Variants in KPNA4 observed in about 807,000 individuals in gnomAD.
The protein encoded by KPNA4 is importin subunit alpha-3.
Under a neutral mutation model 71.3 loss-of-function variants are expected in KPNA4, and 13 were observed. The ratio of observed to expected loss-of-function variants is 0.18; its 90% confidence interval spans 0.12 to 0.29. KPNA4 has a LOEUF of 0.29. Among genes scored for constraint, KPNA4 ranks in the 10% least tolerant of loss-of-function variants. The pLI, the probability that KPNA4 is intolerant of heterozygous loss-of-function variation, is 1.00. For missense variants in KPNA4, 334 were observed against 603.2 expected, an observed-to-expected ratio of 0.55 and a Z score of 4.67; for synonymous variants, 189 against 195.2, an observed-to-expected ratio of 0.97 and a Z score of 0.26.
intron 11 of KPNA4, among the ~76,000 whole-genome samples, chr3:160,520,490 T>C (rs1483195068): frequency 6.6e-6 from 1 of 151,858 alleles, no homozygotes; most frequent in Non-Finnish European, 1.5e-5. Context: ...CTCAGTCTCC[T>C]GACCTTGTGA....
At position 160,511,952 on chromosome 3, in the gene KPNA4, A is replaced by T. The variant is rs1470414972; in HGVS notation, c.1138-2081T>A. 2.0e-5 allele frequency among the ~76,000 whole-genome samples: 3 copies of T among 152,128 alleles called. No homozygotes were observed. The East Asian group carries it at 5.8e-4, about 29-fold the overall frequency. On this transcript the variant is annotated intron_variant, in intron 13 of 16. Coordinates refer to ENST00000334256, the MANE Select transcript of KPNA4 (RefSeq NM_002268.5). ...ATATAAAATCATAGGAATAAAAATT[A>T]AAAACCCTGTTATCTTAAATATCCA...
rs181671989 is a variant in KPNA4 at position 160,509,104 on chromosome 3, G to C, written c.1209+696C>G. On this transcript the variant is annotated intron_variant, in intron 14 of 16. Coordinates refer to ENST00000334256, the MANE Select transcript of KPNA4 (RefSeq NM_002268.5). ...TTCTTTTTACCTACTCTGTGAAACA[G>C]ATCTAACCTCTTTAAAACTGTTTTT... 5.3e-4 allele frequency among the ~76,000 whole-genome samples: 81 copies of C among 152,270 alleles called. 1 individual carries two copies. The highest frequency in any genetic ancestry group is 9.2e-4 in the Admixed American group (14 of 15,294).
chr3:160,563,681 C>G (rs1722287790), intron 1 of KPNA4, among the ~76,000 whole-genome samples: 1 of 152,034 alleles, frequency 6.6e-6, no homozygotes, highest in South Asian at 2.1e-4. Context: ...TTTTCTCATT[C>G]TAAGTATTCA....
At chr3:160,542,087 A>G (rs913450883) in intron 1 of KPNA4, among the ~76,000 whole-genome samples, 2 of 152,228 alleles carry the variant, frequency 1.3e-5, no homozygotes, top group African/African-American at 4.8e-5. Context: ...AGCATGTACA[A>G]AAAGAGAGAA....
intron 10 of KPNA4, among the ~76,000 whole-genome samples, chr3:160,525,353 T>C (rs1336108985): frequency 1.3e-5 from 2 of 148,982 alleles, no homozygotes; most frequent in Non-Finnish European, 3.0e-5. Context: ...ACATTTTCCT[T>C]TTTCATCTTT....
intron 1 of KPNA4, among the ~76,000 whole-genome samples, chr3:160,539,861 T>C (rs1173788043): frequency 3.3e-5 from 5 of 152,162 alleles, no homozygotes; most frequent in Non-Finnish European, 7.4e-5. Flanking sequence ...CATTAGAGCA[T>C]ACTATTAAAT....
intron 7 of KPNA4, among the ~76,000 whole-genome samples, chr3:160,529,916 T>C (rs994594435): frequency 5.4e-5 from 8 of 147,160 alleles, no homozygotes; most frequent in African/African-American, 2.0e-4. Flanking sequence ...GATCATGAGG[T>C]CAGGAGATCG....
At position 160,537,110 on chromosome 3, in the gene KPNA4, T is replaced by C. The variant is rs1394128026; in HGVS notation, c.70-270A>G. On this transcript the variant is annotated intron_variant, in intron 1 of 16. Coordinates refer to ENST00000334256, the MANE Select transcript of KPNA4 (RefSeq NM_002268.5). ...ATTTTAAAAACTATAATATAAGGTT[T>C]ATAAAAATACAGAGGTACAAAGAAT... is the stretch of plus-strand genomic sequence containing the variant. Among the ~76,000 whole-genome samples the C allele has an allele frequency of 4.6e-5, 7 of 151,710 alleles. No homozygotes were observed. The East Asian group carries it at 1.4e-3, about 29-fold the overall frequency.
intron 12 of KPNA4, 148 bp from the exon 13 acceptor site, chr3:160,514,329 A>G (rs1240497329): frequency 7.4e-6 from 4 of 540,594 alleles, no homozygotes; most frequent in Non-Finnish European, 1.3e-5. Flanking sequence ...ATTCCTTTAC[A>G]CCCCTTTCCA....
At chr3:160,543,762 A>AT (rs1373096971) in intron 1 of KPNA4, among the ~76,000 whole-genome samples, 2 of 152,172 alleles carry the variant, frequency 1.3e-5, no homozygotes, top group Admixed American at 6.5e-5. Flanking sequence ...AACAAGAGCT[A>AT]TTTTGTGGCT....
rs901962415 is a variant in KPNA4 at position 160,497,455 on chromosome 3, A to G, written c.*4649T>C. ...GACTGCACTAATGCCACCAACGTGC[A>G]TATTGATTTGAAGGCATCTTGCAGC... On this transcript the variant is annotated 3_prime_UTR_variant, in exon 17 of 17. Transcript: ENST00000334256. The G allele has an allele frequency of 1.3e-5, 2 of 152,198 alleles. No homozygotes were observed. The highest frequency in any genetic ancestry group is 2.9e-5 in the Non-Finnish European group (2 of 68,036). 9.4% of individuals were successfully genotyped at this position (152,198 alleles called of 1,614,324 possible).
At position 160,525,925 on chromosome 3, in the gene KPNA4, T is replaced by A. The variant is rs921993926; in HGVS notation, c.726+13A>T. Reference sequence around the variant, plus strand: ...AATGGTATCTCTTTTAATTTTTTTTTAAAAGTGTTTACCTCCTGAATGGTT... The same window carrying A: ...AATGGTATCTCTTTTAATTTTTTTTAAAAAGTGTTTACCTCCTGAATGGTT... On this transcript the variant is annotated intron_variant, in intron 9 of 16. Transcript: ENST00000334256. 8 of 1,544,070 alleles carry A rather than the reference T, an allele frequency of 5.2e-6. No homozygotes were observed. Among genetic ancestry groups the A allele is most frequent in the Non-Finnish European group, 6.1e-6 (7 of 1,151,126 alleles).
intron 1 of KPNA4, among the ~76,000 whole-genome samples, chr3:160,541,738 GCATT>G (rs1721803273): frequency 6.6e-6 from 1 of 151,082 alleles, no homozygotes; most frequent in African/African-American, 2.4e-5. Flanking sequence ...CTCCTGGAAA[GCATT>G]CATTCAAACA....
intron 5 of KPNA4, among the ~76,000 whole-genome samples, chr3:160,534,610 T>C (rs1012514976): frequency 1.4e-5 from 2 of 147,574 alleles, no homozygotes; most frequent in Non-Finnish European, 3.0e-5. Flanking sequence ...CCCATCTACT[T>C]GGGAGGCTGA....
chr3:160,550,208 C>A (rs1484473231), intron 1 of KPNA4, among the ~76,000 whole-genome samples: 1 of 152,146 alleles, frequency 6.6e-6, no homozygotes, highest in Non-Finnish European at 1.5e-5. Context: ...CTTTTTCTTG[C>A]CCAACTGCTC....
intron 13 of KPNA4, among the ~76,000 whole-genome samples, 190 bp from the exon 14 acceptor site, chr3:160,510,061 T>C (rs942709449): frequency 2.0e-5 from 3 of 152,202 alleles, no homozygotes; most frequent in Non-Finnish European, 4.4e-5. Context: ...TGGAGACACC[T>C]TTCTGTGAAA....
chr3:160,539,996 TTC>T (rs1491433518), intron 1 of KPNA4, among the ~76,000 whole-genome samples: 3 of 128,596 alleles, frequency 2.3e-5, no homozygotes, highest in African/African-American at 5.6e-5. Context: ...TCTTTTTCTT[TTC>T]TTTTTTTTTT....
chr3:160,556,310 A>G (rs1722136172), intron 1 of KPNA4, among the ~76,000 whole-genome samples: 1 of 152,154 alleles, frequency 6.6e-6, no homozygotes, highest in Non-Finnish European at 1.5e-5. Context: ...ATTCCAAAGC[A>G]GCCGTACCAT....
chr3:160,526,315 C>G (rs923839573), intron 8 of KPNA4, among the ~76,000 whole-genome samples: 2 of 152,278 alleles, frequency 1.3e-5, no homozygotes, highest in Admixed American at 6.5e-5. Flanking sequence ...CACATTATTC[C>G]CATCTTCAGC....
Sources: allele counts gnomAD v4.1 joint callset (sites outside exome capture counted in the v4.1 genomes callset), GRCh38; gene constraint gnomAD v4.1.1; transcripts MANE v1.5; gene names NCBI Gene and HGNC (gene_info 2026-07-23, HGNC 2026-07-21).